Variants in AFAP1 observed in about 807,000 individuals in gnomAD.
AFAP1 encodes actin filament associated protein 1.
In AFAP1, 75 loss-of-function variants were observed where a neutral mutation model predicts 93.9. The ratio of observed to expected loss-of-function variants is 0.80; its 90% confidence interval spans 0.66 to 0.97. AFAP1 has a LOEUF of 0.97. AFAP1 is among the 50% of genes least tolerant of loss of function. AFAP1 has a pLI of 0.00. For synonymous variants in AFAP1, 517 were observed against 430.7 expected (o/e 1.20, Z -2.48); for missense variants, 1,201 against 1,050.8 (o/e 1.14, Z -1.98).
intron 14 of AFAP1, chr4:7,778,490 C>A: frequency 5.8e-6 from 3 of 514,270 alleles, no homozygotes; most frequent in Non-Finnish European, 1.1e-5. Context: ...CTGCAAGAAA[C>A]CTGCACTCAC....
At chr4:7,904,175 C>A (rs527759944) in intron 1 of AFAP1, among the ~76,000 whole-genome samples, 2 of 152,180 alleles carry the variant, frequency 1.3e-5, no homozygotes, top group Middle Eastern at 3.4e-3. Flanking sequence ...ACTGCTGCTG[C>A]CATGATGACA....
At chr4:7,928,791 C>T (rs1337923764) in intron 1 of AFAP1, among the ~76,000 whole-genome samples, 1 of 152,242 alleles carries the variant, frequency 6.6e-6, no homozygotes, top group Non-Finnish European at 1.5e-5. Context: ...GCACTTCATA[C>T]TCGTCCCACC....
intron 17 of AFAP1, among the ~76,000 whole-genome samples, chr4:7,768,604 G>T (rs1413206534): frequency 6.6e-6 from 1 of 152,134 alleles, no homozygotes; most frequent in African/African-American, 2.4e-5. Context: ...CCAATTGTTG[G>T]CACTGGGGCT....
At chr4:7,860,662 C>T (rs28607519) in intron 3 of AFAP1, among the ~76,000 whole-genome samples, 2 of 151,944 alleles carry the variant, frequency 1.3e-5, no homozygotes, top group African/African-American at 4.8e-5. Flanking sequence ...AGAGTGGGCA[C>T]GGCCTGCTGA....
intron 1 of AFAP1, among the ~76,000 whole-genome samples, chr4:7,885,376 A>G (rs1184511790): frequency 6.6e-6 from 1 of 152,088 alleles, no homozygotes; most frequent in Non-Finnish European, 1.5e-5. Context: ...GTCGTCCCAC[A>G]CACACATCAC....
chr4:7,804,536 G>C (rs891824301), intron 9 of AFAP1, among the ~76,000 whole-genome samples: 1 of 152,048 alleles, frequency 6.6e-6, no homozygotes, highest in African/African-American at 2.4e-5. Flanking sequence ...AAAAAATACA[G>C]ATGGAGGGGA....
At position 7,809,660 on chromosome 4, in the gene AFAP1, G is replaced by A. The variant is rs1719837238; in HGVS notation, c.1008C>T (p.Ser336=). The change falls in exon 9 of 18, where the codon TCC becomes TCT. Residue 336 remains serine (S), a synonymous_variant. Transcript: ENST00000420658. ...CAGCTGAGGAGGTCTGCTCGTCTGT[G>A]GACGGCTTTTTCTTTCCCAGACTGA... is the stretch of plus-strand genomic sequence containing the variant. ...KIISLGKKKP[S]TDEQTSSAEE... 1.2e-6 allele frequency: 2 copies of A among 1,613,964 alleles called. No individual in the cohort carries two copies. The highest frequency in any genetic ancestry group is 1.7e-6 in the Non-Finnish European group (2 of 1,180,002).
chr4:7,771,359 C>A (rs1452492400), intron 16 of AFAP1, among the ~76,000 whole-genome samples: 1 of 152,116 alleles, frequency 6.6e-6, no homozygotes. Flanking sequence ...TGTACACACA[C>A]ACACACCTTT....
At chr4:7,885,036 G>A (rs965666228) in intron 1 of AFAP1, among the ~76,000 whole-genome samples, 20 of 152,188 alleles carry the variant, frequency 1.3e-4, no homozygotes, top group Non-Finnish European at 2.6e-4. Flanking sequence ...GGACGCTGGA[G>A]AACTGTTTCA....
intron 1 of AFAP1, among the ~76,000 whole-genome samples, chr4:7,914,459 T>C (rs1463128134): frequency 2.6e-5 from 4 of 152,200 alleles, no homozygotes; most frequent in Non-Finnish European, 5.9e-5. Flanking sequence ...CCCACGTTGC[T>C]GAGAATAACA....
At chr4:7,829,755 T>C (rs1299225000) in intron 6 of AFAP1, among the ~76,000 whole-genome samples, 1 of 152,188 alleles carries the variant, frequency 6.6e-6, no homozygotes, top group Non-Finnish European at 1.5e-5. Context: ...GGCACTCTGA[T>C]ATATTGTTGG....
At chr4:7,792,893 A>G (rs1670934259) in intron 11 of AFAP1, among the ~76,000 whole-genome samples, 1 of 152,262 alleles carries the variant, frequency 6.6e-6, no homozygotes, top group Admixed American at 6.5e-5. Context: ...ATTGGCAGTG[A>G]CAATGATTAT....
chr4:7,880,289 T>TTA (rs1161077098), intron 1 of AFAP1, among the ~76,000 whole-genome samples: 1 of 150,104 alleles, frequency 6.7e-6, no homozygotes, highest in African/African-American at 2.5e-5. Context: ...TTTTTTTTTT[T>TTA]TTTTTTTTGA....
chr4:7,879,500 T>C (rs1197381001), intron 1 of AFAP1, among the ~76,000 whole-genome samples: 3 of 152,040 alleles, frequency 2.0e-5, no homozygotes, highest in Non-Finnish European at 4.4e-5. Context: ...CAGGAATAAA[T>C]CACTGAATTC....
At chr4:7,798,817 G>T in intron 10 of AFAP1, 1 of 928,490 alleles carries the variant, frequency 1.1e-6, no homozygotes, top group Non-Finnish European at 1.3e-6. Flanking sequence ...AACAGCTCCT[G>T]ACTTCCACCC....
intron 1 of AFAP1, among the ~76,000 whole-genome samples, chr4:7,921,633 A>G (rs1720447319): frequency 6.6e-6 from 1 of 152,218 alleles, no homozygotes; most frequent in Non-Finnish European, 1.5e-5. Flanking sequence ...ACCCATCAAC[A>G]TTTAAAATGC....
intron 12 of AFAP1, among the ~76,000 whole-genome samples, chr4:7,782,791 G>A (rs1716901350): frequency 6.6e-6 from 1 of 152,216 alleles, no homozygotes; most frequent in Admixed American, 6.5e-5. Context: ...AAATTCTGCA[G>A]TAGGAGTGTC....
chr4:7,929,991 C>T (rs534107734), intron 1 of AFAP1, among the ~76,000 whole-genome samples: 1 of 152,346 alleles, frequency 6.6e-6, no homozygotes, highest in African/African-American at 2.4e-5. Context: ...GTTAAAAGCA[C>T]AGGCTTCGGA....
intron 3 of AFAP1, among the ~76,000 whole-genome samples, chr4:7,860,910 C>T (rs1049020446): frequency 3.9e-5 from 6 of 152,230 alleles, no homozygotes; most frequent in Admixed American, 2.0e-4. Flanking sequence ...CTTCCACTGC[C>T]GCTTGCCTCG....
Sources: allele counts gnomAD v4.1 joint callset (sites outside exome capture counted in the v4.1 genomes callset), GRCh38; gene constraint gnomAD v4.1.1; transcripts MANE v1.5; gene names NCBI Gene and HGNC (gene_info 2026-07-23, HGNC 2026-07-21).